The following ASTN2 variants were observed in gnomAD, a reference collection of about 807,000 sequenced individuals.
ASTN2 encodes the protein astrotactin-2.
ASTN2 carries 54 observed loss-of-function variants against 139.8 expected under a neutral mutation model. The observed-to-expected ratio is 0.39, with a 90% CI of 0.31 to 0.48. The LOEUF (loss-of-function observed/expected upper bound fraction) is 0.48. Ranked by LOEUF, ASTN2 falls within the 20% of genes least tolerant of loss-of-function variation. The probability of loss-of-function intolerance (pLI) is 0.95; values close to 1 mark genes in which losing one functional copy is unlikely to be tolerated. For missense variants in ASTN2, 1,565 were observed against 1,725.1 expected, an observed-to-expected ratio of 0.91 and a Z score of 1.64; for synonymous variants, 756 against 719.5, an observed-to-expected ratio of 1.05 and a Z score of -0.81.
intron 15 of ASTN2, among the ~76,000 whole-genome samples, chr9:116,728,211 A>G (rs749360357): frequency 9.2e-5 from 14 of 152,336 alleles, no homozygotes; most frequent in Non-Finnish European, 1.3e-4. Context: ...ATACTGGAAT[A>G]AATAAGACCC....
intron 5 of ASTN2, among the ~76,000 whole-genome samples, chr9:117,085,940 G>A (rs1327984552): frequency 6.6e-6 from 1 of 152,138 alleles, no homozygotes; most frequent in Admixed American, 6.5e-5. Context: ...CTTAACTCAT[G>A]GCAGCCTCAG....
chr9:117,227,717 A>G (rs1181896576), intron 2 of ASTN2, among the ~76,000 whole-genome samples: 1 of 152,226 alleles, frequency 6.6e-6, no homozygotes, highest in Non-Finnish European at 1.5e-5. Flanking sequence ...GAAGACACAA[A>G]TGTGATAACT....
intron 20 of ASTN2, among the ~76,000 whole-genome samples, chr9:116,467,501 G>A (rs576535216): frequency 6.6e-6 from 1 of 152,164 alleles, no homozygotes; most frequent in African/African-American, 2.4e-5. Flanking sequence ...TCTTGACCTC[G>A]TGATCCGCCT....
intron 14 of ASTN2, 118 bp downstream of exon 14, chr9:116,733,281 A>C: frequency 7.2e-7 from 1 of 1,380,660 alleles, no homozygotes; most frequent in Non-Finnish European, 1.0e-6. Context: ...ACCCTTCCTC[A>C]TGAAGGAGGA....
At chr9:116,493,690 T>C (rs1186250124) in intron 19 of ASTN2, among the ~76,000 whole-genome samples, 5 of 152,088 alleles carry the variant, frequency 3.3e-5, no homozygotes, top group African/African-American at 1.2e-4. Flanking sequence ...CTCTTGCTTC[T>C]GAATGAGTTG....
At chr9:117,147,152 A>G (rs759561160) in intron 3 of ASTN2, among the ~76,000 whole-genome samples, 2 of 152,124 alleles carry the variant, frequency 1.3e-5, no homozygotes, top group Non-Finnish European at 2.9e-5. Context: ...CTTAGCTTCT[A>G]CCCTGGAGAA....
intron 7 of ASTN2, among the ~76,000 whole-genome samples, chr9:116,978,874 G>A (rs936035039): frequency 1.3e-5 from 2 of 152,018 alleles, no homozygotes; most frequent in South Asian, 4.1e-4. Context: ...CATGCTATTT[G>A]CAACTACATA....
Position 116,876,338 on chromosome 9 carries a change from G to A in ASTN2, c.1890-12605C>T, listed in dbSNP as rs545773125. On this transcript the variant is annotated intron_variant, in intron 10 of 22. Coordinates refer to ENST00000313400, the MANE Select transcript of ASTN2 (RefSeq NM_001365068.1). ...TAAAACTAATGAGAAGTTGCTTCTT[G>A]TGGAGGAGCAAAGAAAAGTGGTTTC... Among the ~76,000 whole-genome samples, 13 of 152,350 alleles carry A rather than the reference G, an allele frequency of 8.5e-5. No homozygotes were observed. The South Asian group carries it at 2.5e-3, about 29-fold the overall frequency.
rs755458367 is a variant in ASTN2 at position 117,091,597 on chromosome 9, C to T, written c.1276+4447G>A. Among the ~76,000 whole-genome samples, 16 of 151,894 alleles carry T rather than the reference C, an allele frequency of 1.1e-4. No individual in the cohort carries two copies. The South Asian group carries it at 1.7e-3, about 16-fold the overall frequency. On this transcript the variant is annotated intron_variant, in intron 5 of 22. Coordinates refer to ENST00000313400, the MANE Select transcript of ASTN2 (RefSeq NM_001365068.1). The stretch of plus-strand genomic sequence containing the variant: ...TGGGGGGGCAGGTGAATGAGTCAAA[C>T]GGCAGGGAAGAGCATTCCAGGAGAC...
chr9:117,071,351 A>G lies in ASTN2; in HGVS notation c.1276+24693T>C, dbSNP rs1266881631. Among the ~76,000 whole-genome samples, 222 of 151,776 alleles carry G rather than the reference A, an allele frequency of 1.5e-3. 2 individuals carry two copies. Among genetic ancestry groups the G allele is most frequent in the South Asian group, 6.3e-3 (30 of 4,796 alleles). On this transcript the variant is annotated intron_variant, in intron 5 of 22. Transcript: ENST00000313400. ...GGTCAGGGGTCAGGGACCCACTTGAAGAGGCAGTCTGCGGGTTCTCAGATC... is the reference window on the plus strand; with the variant it reads ...GGTCAGGGGTCAGGGACCCACTTGAGGAGGCAGTCTGCGGGTTCTCAGATC...
At chr9:116,468,995 C>T (rs1157925549) in intron 20 of ASTN2, among the ~76,000 whole-genome samples, 1 of 152,124 alleles carries the variant, frequency 6.6e-6, no homozygotes, top group African/African-American at 2.4e-5. Flanking sequence ...AATAAAATGT[C>T]ATCCTTTCTA....
At chr9:117,274,917 T>A (rs936708647) in intron 2 of ASTN2, among the ~76,000 whole-genome samples, 1 of 152,188 alleles carries the variant, frequency 6.6e-6, no homozygotes, top group South Asian at 2.1e-4. Context: ...ACGTTAGGGG[T>A]TGAGCTTCTT....
At position 116,439,272 on chromosome 9, in the gene ASTN2, C is replaced by T. The variant is rs1847764666; in HGVS notation, c.3782+1337G>A. Reference sequence around the variant, plus strand: ...CTGGAGTGCAGTGGCGGGATCTCGGCTCACTGCAAGCTCCGCCTCCCGGGT... The same window carrying T: ...CTGGAGTGCAGTGGCGGGATCTCGGTTCACTGCAAGCTCCGCCTCCCGGGT... On this transcript the variant is annotated intron_variant, in intron 22 of 22. Transcript: ENST00000313400. Among the ~76,000 whole-genome samples the T allele has an allele frequency of 1.7e-5, 2 of 117,554 alleles. 1 individual carries two copies. Among genetic ancestry groups the T allele is most frequent in the South Asian group, 9.7e-4 (2 of 2,058 alleles). The allele number at this position is 117,554 out of a possible 152,430, so 77.1% of individuals were successfully genotyped here.
intron 2 of ASTN2, among the ~76,000 whole-genome samples, chr9:117,281,664 G>A (rs1010909607): frequency 2.6e-5 from 4 of 152,124 alleles, no homozygotes; most frequent in African/African-American, 9.7e-5. Context: ...AGGAAGTTGG[G>A]AATGGTCACC....
At chr9:117,061,139 T>TTTTTTTTATTTA (rs1554774228) in intron 5 of ASTN2, among the ~76,000 whole-genome samples, 4 of 141,928 alleles carry the variant, frequency 2.8e-5, no homozygotes, top group Non-Finnish European at 4.6e-5. Context: ...TACACCAGTC[T>TTTTTTTTATTTA]TTTATTTATT....
At chr9:116,814,028 T>A in intron 12 of ASTN2, among the ~76,000 whole-genome samples, 2 of 139,074 alleles carry the variant, frequency 1.4e-5, no homozygotes, top group African/African-American at 2.8e-5. Context: ...AGAGCAAGAC[T>A]CTGTCTCAAG....
chr9:116,892,111 T>C (rs1013827352), intron 10 of ASTN2, among the ~76,000 whole-genome samples: 3 of 152,230 alleles, frequency 2.0e-5, no homozygotes, highest in Non-Finnish European at 4.4e-5. Flanking sequence ...GTCTCATATC[T>C]AATTATAGTA....
intron 10 of ASTN2, among the ~76,000 whole-genome samples, chr9:116,965,899 A>G (rs1170298499): frequency 1.3e-5 from 2 of 152,196 alleles, no homozygotes; most frequent in African/African-American, 2.4e-5. Flanking sequence ...TTAGAATGTC[A>G]GCTTCCTCAT....
chr9:116,618,351 C>T lies in ASTN2; in HGVS notation c.3328G>A (p.Glu1110Lys). The T allele has an allele frequency of 6.2e-7, 1 of 1,614,128 alleles. No individual in the cohort carries two copies. ...GTGTACAGGTCAGTGTCTGTGTATT[C>T]ATCCACTTTCTTATGCTGCAGAATA... The part of the protein sequence containing the change: ...DYILQHKKVD[E>K]YTDTDLYTGE... Residue 1110 changes from glutamate (E) to lysine (K), a missense_variant, in exon 19 of 23, where the codon GAA becomes AAA. Transcript: ENST00000313400.
Sources: gnomAD v4.1 joint callset for allele counts (sites outside exome capture counted in the v4.1 genomes callset) on GRCh38, gnomAD v4.1.1 for gene constraint, MANE v1.5 for transcripts, NCBI Gene and HGNC (gene_info 2026-07-23, HGNC 2026-07-21) for gene names.